The following DENND5A variants were observed in gnomAD, a reference collection of about 807,000 sequenced individuals.
The protein encoded by DENND5A is DENN domain-containing protein 5A.
A neutral mutation model predicts 140.3 loss-of-function variants in DENND5A; 64 were observed. The observed-to-expected ratio is 0.46, with a 90% CI of 0.37 to 0.56. DENND5A has a LOEUF of 0.56. DENND5A is among the 20% of genes least tolerant of loss of function. The pLI, the probability that DENND5A is intolerant of heterozygous loss-of-function variation, is 0.00. For synonymous variants in DENND5A, 605 were observed against 607.7 expected, an observed-to-expected ratio of 1.00 and a Z score of 0.07; for missense variants, 1,292 against 1,593.8, an observed-to-expected ratio of 0.81 and a Z score of 3.22.
At chr11:9,210,268 T>A (rs1190938433) in intron 1 of DENND5A, among the ~76,000 whole-genome samples, 1 of 152,186 alleles carries the variant, frequency 6.6e-6, no homozygotes, top group African/African-American at 2.4e-5. Context: ...AACATGACTG[T>A]CCTATTGTCC....
chr11:9,147,679 C>T (rs550911157), intron 15 of DENND5A, among the ~76,000 whole-genome samples: 1 of 152,250 alleles, frequency 6.6e-6, no homozygotes, highest in Non-Finnish European at 1.5e-5. Context: ...TCTGCTCCCG[C>T]CTCTGATCCA....
intron 1 of DENND5A, among the ~76,000 whole-genome samples, chr11:9,252,252 C>T (rs1006848473): frequency 7.1e-6 from 1 of 140,946 alleles, no homozygotes; most frequent in African/African-American, 2.7e-5. Context: ...GCCGCAGTCA[C>T]ACCACTGCAC....
At chr11:9,169,488 T>TACAC (rs1373451205) in intron 10 of DENND5A, among the ~76,000 whole-genome samples, 183 of 107,022 alleles carry the variant, frequency 1.7e-3, no homozygotes, top group African/African-American at 7.0e-3. Context: ...TTTTCCTATA[T>TACAC]ACACACGCAC....
chr11:9,153,345 A>G (rs1847694523), intron 12 of DENND5A, among the ~76,000 whole-genome samples: 1 of 76,708 alleles, frequency 1.3e-5, no homozygotes, highest in South Asian at 3.2e-4. Context: ...GCTCCCTCTC[A>G]AAAAAAAAAA....
intron 1 of DENND5A, among the ~76,000 whole-genome samples, chr11:9,244,421 G>A (rs999281870): frequency 6.6e-6 from 1 of 152,104 alleles, no homozygotes; most frequent in Non-Finnish European, 1.5e-5. Flanking sequence ...CCAAGCTGGA[G>A]TGCAATGGTG....
intron 22 of DENND5A, 79 bp from the exon 23 acceptor site, chr11:9,139,933 G>A (rs1847181321): frequency 1.4e-6 from 2 of 1,408,260 alleles, no homozygotes; most frequent in Admixed American, 1.9e-5. Flanking sequence ...AGGCCAAGGG[G>A]GAAACCATGA....
intron 5 of DENND5A, among the ~76,000 whole-genome samples, chr11:9,183,100 T>C (rs1197688438): frequency 6.6e-6 from 1 of 152,238 alleles, no homozygotes; most frequent in Non-Finnish European, 1.5e-5. Flanking sequence ...TTTGTAGTTC[T>C]TGTCCCTGTT....
intron 12 of DENND5A, among the ~76,000 whole-genome samples, chr11:9,160,044 T>C (rs754376470): frequency 6.6e-6 from 1 of 152,240 alleles, no homozygotes; most frequent in Non-Finnish European, 1.5e-5. Context: ...CCTACAACAG[T>C]ACCTGACATA....
chr11:9,256,399 G>A (rs1052512457), intron 1 of DENND5A, among the ~76,000 whole-genome samples: 4 of 152,130 alleles, frequency 2.6e-5, no homozygotes, highest in African/African-American at 9.7e-5. Flanking sequence ...GGCGGAGGTT[G>A]CAGTGAGCCG....
chr11:9,172,559 A>C (rs73402323), intron 8 of DENND5A, among the ~76,000 whole-genome samples: 6,488 of 152,232 alleles, frequency 0.043, 433 homozygotes, highest in African/African-American at 0.15. Flanking sequence ...TTCTCGCGAT[A>C]GTGAGTGAGT....
At chr11:9,146,945 T>C in intron 16 of DENND5A, 85 bp downstream of exon 16, 1 of 1,482,712 alleles carries the variant, frequency 6.7e-7, no homozygotes, top group Non-Finnish European at 9.3e-7. Context: ...ATCTTCTTTC[T>C]TTAAAAAGGG....
At chr11:9,240,172 C>T in intron 1 of DENND5A, among the ~76,000 whole-genome samples, 1 of 152,030 alleles carries the variant, frequency 6.6e-6, no homozygotes, top group East Asian at 1.9e-4. Flanking sequence ...TTTTGGGAGG[C>T]CAAGGCTGGT....
rs1181446234 is a variant in DENND5A, at chr11:9,174,121, A to G, written c.1907-3344T>C. Among the ~76,000 whole-genome samples, 14 of 149,746 alleles carry G rather than the reference A, an allele frequency of 9.3e-5. No individual in the cohort carries two copies. The South Asian group carries it at 1.3e-3, about 13-fold the overall frequency. On this transcript the variant is annotated intron_variant, in intron 8 of 22. Transcript: ENST00000328194. ...CCGTCTCAAAAAAAAAAAAAAAAAAAAAAAAAAAGAAAAAAAAATTGAAAA... is the reference window on the plus strand; with the variant it reads ...CCGTCTCAAAAAAAAAAAAAAAAAAGAAAAAAAAGAAAAAAAAATTGAAAA...
chr11:9,172,645 G>T (rs566588977), intron 8 of DENND5A, among the ~76,000 whole-genome samples: 50 of 152,108 alleles, frequency 3.3e-4, no homozygotes, highest in Non-Finnish European at 6.0e-4. Context: ...GCTGTGCTGT[G>T]AAGAGGTGCC....
intron 19 of DENND5A, 58 bp from the exon 20 acceptor site, chr11:9,143,543 G>T: frequency 7.1e-7 from 1 of 1,406,958 alleles, no homozygotes. Flanking sequence ...GTGCTTAGCT[G>T]CCTGAGCAGG....
intron 5 of DENND5A, among the ~76,000 whole-genome samples, chr11:9,185,204 C>A (rs1339028922): frequency 1.3e-5 from 2 of 152,050 alleles, no homozygotes; most frequent in South Asian, 2.1e-4. Flanking sequence ...TAAAAAAAAC[C>A]CCCAATTATC....
chr11:9,139,625 G>A lies in DENND5A; in HGVS notation c.*46C>T, dbSNP rs745622715. The A allele has an allele frequency of 2.5e-6, 4 of 1,581,658 alleles. No individual in the cohort carries two copies. The highest frequency in any genetic ancestry group is 3.5e-5 in the Admixed American group (2 of 57,088). On this transcript the variant is annotated 3_prime_UTR_variant, in exon 23 of 23. Coordinates refer to ENST00000328194, the MANE Select transcript of DENND5A (RefSeq NM_015213.4). ...CCCTTTGGGAAAAAAGGTCAGAGCTGCAGGGTGAGTCTTTCTCAGTCCTGC... is the reference window on the plus strand; with the variant it reads ...CCCTTTGGGAAAAAAGGTCAGAGCTACAGGGTGAGTCTTTCTCAGTCCTGC...
chr11:9,209,619 G>A (rs1849806610), intron 1 of DENND5A, among the ~76,000 whole-genome samples: 1 of 152,166 alleles, frequency 6.6e-6, no homozygotes, highest in African/African-American at 2.4e-5. Flanking sequence ...CCAGTAGCAA[G>A]AGCAAAGTAT....
chr11:9,204,107 G>C lies in DENND5A; in HGVS notation c.502C>G (p.Pro168Ala), dbSNP rs780254804. 1.1e-5 allele frequency: 18 copies of C among 1,614,012 alleles called. No homozygotes were observed. In the Admixed American group the frequency reaches 2.8e-4, roughly 25 times the overall value. Residue 168 changes from proline to alanine, a missense_variant, in exon 4 of 23, where the codon CCT becomes GCT. By Grantham distance (27) the Pro-to-Ala change is conservative (BLOSUM62 -1). Transcript: ENST00000328194. ...NAEYDVLHAP[P>A]ADDRDQSSME... ...CTGCTCTGGTCTCTGTCATCAGCAG[G>C]GGGAGCATGTAGGACATCATACTCA...
Sources: gnomAD v4.1 joint callset for allele counts (sites outside exome capture counted in the v4.1 genomes callset) on GRCh38, gnomAD v4.1.1 for gene constraint, MANE v1.5 for transcripts, NCBI Gene and HGNC (gene_info 2026-07-23, HGNC 2026-07-21) for gene names.